The following SH3BGR variants were observed in gnomAD, a reference collection of about 807,000 sequenced individuals.
SH3BGR encodes SH3 domain-binding glutamic acid-rich protein.
Under a neutral mutation model 24.5 loss-of-function variants are expected in SH3BGR, and 29 were observed. That is an observed-to-expected ratio of 1.18 (90% CI 0.88 to 1.61). The LOEUF (loss-of-function observed/expected upper bound fraction) is 1.61. SH3BGR is among the 40% of genes most tolerant of loss of function. The pLI, the probability that SH3BGR is intolerant of heterozygous loss-of-function variation, is 0.00. For missense variants in SH3BGR, 162 were observed against 205.8 expected (o/e 0.79, Z 1.30); for synonymous variants, 55 against 65.7 (o/e 0.84, Z 0.79).
Position 39,458,876 on chromosome 21 carries a change from G to T in SH3BGR, c.46-3499G>T, listed in dbSNP as rs530352449. On this transcript the variant is annotated intron_variant, in intron 1 of 6. Transcript: ENST00000333634. ...TGGCCAGGCTGGTCTCGAACTCCTG[G>T]CCTCAGATGATCTGCCTGCCTCAGC... Among the ~76,000 whole-genome samples the T allele has an allele frequency of 2.0e-5, 3 of 151,968 alleles. No homozygotes were observed. In the South Asian group the frequency reaches 6.2e-4, roughly 32 times the overall value.
intron 1 of SH3BGR, among the ~76,000 whole-genome samples, chr21:39,446,541 C>G (rs2077474330): frequency 6.6e-6 from 1 of 152,168 alleles, no homozygotes; most frequent in Non-Finnish European, 1.5e-5. Context: ...TGTCCCGATA[C>G]TTGGCCCGCA....
chr21:39,493,594 G>A (rs2078341575), intron 3 of SH3BGR, among the ~76,000 whole-genome samples: 1 of 152,102 alleles, frequency 6.6e-6, no homozygotes, highest in South Asian at 2.1e-4. Flanking sequence ...CTTTGGCTAT[G>A]TGGGCTCTTT....
At chr21:39,480,464 G>C (rs973954938) in intron 3 of SH3BGR, among the ~76,000 whole-genome samples, 1 of 152,164 alleles carries the variant, frequency 6.6e-6, no homozygotes, top group African/African-American at 2.4e-5. Flanking sequence ...TTTGTGACTG[G>C]CTTCTTTCAC....
chr21:39,448,167 A>G (rs1459733591), upstream of SH3BGR, among the ~76,000 whole-genome samples: 2 of 152,198 alleles, frequency 1.3e-5, no homozygotes, highest in Admixed American at 1.3e-4. Flanking sequence ...CCCTAAATCC[A>G]GGATGATTTA....
intron 1 of SH3BGR, among the ~76,000 whole-genome samples, chr21:39,453,237 CT>C (rs2077603343): frequency 6.6e-6 from 1 of 152,164 alleles, no homozygotes; most frequent in African/African-American, 2.4e-5. Context: ...GTCCCTTTTG[CT>C]AAGTACAACT....
At chr21:39,506,100 G>C (rs1470085340) in intron 4 of SH3BGR, among the ~76,000 whole-genome samples, 2 of 152,160 alleles carry the variant, frequency 1.3e-5, no homozygotes, top group African/African-American at 4.8e-5. Context: ...TATTTATCGA[G>C]CTTGCCTGTT....
intron 3 of SH3BGR, among the ~76,000 whole-genome samples, chr21:39,481,151 A>G (rs1277703975): frequency 6.6e-6 from 1 of 152,216 alleles, no homozygotes; most frequent in Admixed American, 6.5e-5. Context: ...AAACAACAAT[A>G]GTAGTAGCAG....
upstream of SH3BGR, among the ~76,000 whole-genome samples, chr21:39,449,458 G>C (rs762224174): frequency 3.3e-5 from 5 of 152,096 alleles, no homozygotes; most frequent in Non-Finnish European, 5.9e-5. Context: ...TTTCTGAAGT[G>C]GATTTTGTAA....
chr21:39,508,228 A>G (rs185724329), intron 4 of SH3BGR, among the ~76,000 whole-genome samples: 97 of 152,362 alleles, frequency 6.4e-4, no homozygotes, highest in African/African-American at 2.2e-3. Flanking sequence ...GCTCTCAAGA[A>G]CCACATCTCT....
chr21:39,497,823 C>G (rs2078425049), intron 3 of SH3BGR, among the ~76,000 whole-genome samples: 1 of 152,016 alleles, frequency 6.6e-6, no homozygotes, highest in Non-Finnish European at 1.5e-5. Context: ...TTAGAAATAA[C>G]AATCATCTTC....
rs968972566 is a variant in SH3BGR at position 39,457,396 on chromosome 21, T to C, written c.46-4979T>C. On this transcript the variant is annotated intron_variant, in intron 1 of 6. Coordinates refer to ENST00000333634, the MANE Select transcript of SH3BGR (RefSeq NM_007341.3). The stretch of plus-strand genomic sequence containing the variant: ...AAGATTATTATATATTATATAGTTA[T>C]ATATAAATCTTATATATAAGATTAT... Among the ~76,000 whole-genome samples the C allele has an allele frequency of 3.5e-5, 5 of 143,742 alleles. No homozygotes were observed. In the South Asian group the frequency reaches 8.5e-4, roughly 24 times the overall value. 94.3% of individuals were successfully genotyped at this position (143,742 alleles called of 152,430 possible).
At chr21:39,505,211 G>A (rs1348767091) in intron 4 of SH3BGR, among the ~76,000 whole-genome samples, 2 of 152,202 alleles carry the variant, frequency 1.3e-5, no homozygotes, top group Non-Finnish European at 2.9e-5. Flanking sequence ...CATTTTATGG[G>A]CAGATTGAGT....
At chr21:39,507,456 C>T (rs2078602452) in intron 4 of SH3BGR, among the ~76,000 whole-genome samples, 1 of 152,158 alleles carries the variant, frequency 6.6e-6, no homozygotes, top group African/African-American at 2.4e-5. Flanking sequence ...GCCTCAGCCT[C>T]CCAAGTAGCT....
chr21:39,510,365 T>TACGCGCGC (rs1555915353), intron 5 of SH3BGR, among the ~76,000 whole-genome samples: 29 of 115,772 alleles, frequency 2.5e-4, no homozygotes, highest in African/African-American at 9.4e-4. Flanking sequence ...TGTAGCTACA[T>TACGCGCGC]ACACACACAC....
At chr21:39,462,229 G>T in intron 1 of SH3BGR, 146 bp from the exon 2 acceptor site, 1 of 593,550 alleles carries the variant, frequency 1.7e-6, no homozygotes, top group Non-Finnish European at 2.9e-6. Flanking sequence ...TTATAACAAA[G>T]AGGTGTGATT....
At chr21:39,478,347 A>G (rs1320871749) in intron 3 of SH3BGR, among the ~76,000 whole-genome samples, 1 of 152,216 alleles carries the variant, frequency 6.6e-6, no homozygotes, top group Non-Finnish European at 1.5e-5. Flanking sequence ...GTGCCGCTCC[A>G]TCATCTCTTC....
At chr21:39,481,301 A>AAAACAAACAAAAAC (rs2078127203) in intron 3 of SH3BGR, among the ~76,000 whole-genome samples, 1 of 152,200 alleles carries the variant, frequency 6.6e-6, no homozygotes, top group Non-Finnish European at 1.5e-5. Flanking sequence ...CCTGTTCTCA[A>AAAACAAACAAAAAC]AAACAAACAA....
chr21:39,479,122 C>T (rs921242824), intron 3 of SH3BGR, among the ~76,000 whole-genome samples: 3 of 152,016 alleles, frequency 2.0e-5, no homozygotes, highest in Non-Finnish European at 4.4e-5. Context: ...GTATTCCCAG[C>T]AACTAGGAAG....
chr21:39,474,378 A>G (rs2077992524), intron 2 of SH3BGR, among the ~76,000 whole-genome samples: 1 of 152,204 alleles, frequency 6.6e-6, no homozygotes, highest in Admixed American at 6.5e-5. Flanking sequence ...CCTTTTTGCA[A>G]CACTGTTGAA....
Sources: gnomAD v4.1 joint callset for allele counts (sites outside exome capture counted in the v4.1 genomes callset) on GRCh38, gnomAD v4.1.1 for gene constraint, MANE v1.5 for transcripts, NCBI Gene and HGNC (gene_info 2026-07-23, HGNC 2026-07-21) for gene names.